The following KANTR variants were observed in gnomAD, a reference collection of about 807,000 sequenced individuals.
The protein encoded by KANTR is KDM5C adjacent transcript.
intron 2 of KANTR, among the ~76,000 whole-genome samples, chrX:53,136,593 T>C (rs1457364623): frequency 6.3e-5 from 5 of 78,832 alleles, no homozygotes; most frequent in African/African-American, 2.2e-4. Flanking sequence ...CAGGCTGGAG[T>C]GCAGTGGCGT....
At chrX:53,129,610 A>G (rs917942791), downstream of KANTR, among the ~76,000 whole-genome samples, 22 of 109,945 alleles carry the variant, frequency 2.0e-4, 1 homozygote, top group African/African-American at 4.3e-4. Flanking sequence ...TCTGGTTTCT[A>G]TTATTACTGT....
rs781881005 is a variant in KANTR, at chrX:53,106,002, C to T, written c.-805+6394C>T. Among the ~76,000 whole-genome samples, 13 of 104,903 alleles carry T rather than the reference C, an allele frequency of 1.2e-4. No homozygotes were observed. In the South Asian group the frequency reaches 1.7e-3, roughly 14 times the overall value. The allele number at this position is 104,903 out of a possible 115,157, so 91.1% of individuals were successfully genotyped here. ...CCTCCCAAGTAGCTGGGACTACAGG[C>T]GCCCGCCACCATGCCCAGCTAATTT... On this transcript the variant is annotated intron_variant, in intron 2 of 2. Coordinates refer to ENST00000604062, the Ensembl canonical transcript of KANTR.
intron 2 of KANTR, among the ~76,000 whole-genome samples, chrX:53,108,752 G>A (rs1430258970): frequency 9.2e-6 from 1 of 109,098 alleles, no homozygotes; most frequent in Non-Finnish European, 1.9e-5. Flanking sequence ...CCAGGCTGCA[G>A]CGCAGCGGTG....
At chrX:53,131,858 A>G (rs1416591201), downstream of KANTR, among the ~76,000 whole-genome samples, 2 of 112,419 alleles carry the variant, frequency 1.8e-5, no homozygotes, top group Non-Finnish European at 3.8e-5. Flanking sequence ...AAATGTGATC[A>G]TCTATATAGA....
downstream of KANTR, among the ~76,000 whole-genome samples, chrX:53,129,268 T>TGTGTGTGTGTGTGTGTGTG (rs1569239787): frequency 9.4e-6 from 1 of 106,400 alleles, no homozygotes; most frequent in African/African-American, 3.4e-5. Flanking sequence ...TGTGTGTGTG[T>TGTGTGTGTGTGTGTGTGTG]TTAGTAGAGA....
Position 53,139,984 on chromosome X carries a change from CCAG to C in KANTR, n.204-1860_204-1858del, listed in dbSNP as rs782730061. On this transcript the variant is annotated intron_variant and non_coding_transcript_variant, in intron 2 of 2. Coordinates refer to the KANTR transcript ENST00000366185. ...TTTGCAGAGGAAGAAATTTGAAAAG[CCAG>C]CAGTATATGATGAGGTGTTCAAGAT... 3.6e-3 allele frequency among the ~76,000 whole-genome samples: 401 copies of C among 112,411 alleles called. 5 individuals carry two copies. Among genetic ancestry groups the C allele is most frequent in the African/African-American group, 0.013 (388 of 30,952 alleles).
At chrX:53,141,446 A>AT (rs1282451556) in intron 2 of KANTR, among the ~76,000 whole-genome samples, 5 of 111,654 alleles carry the variant, frequency 4.5e-5, no homozygotes, top group Non-Finnish European at 7.5e-5. Context: ...TCTTTTCACA[A>AT]TTTTTTCTGG....
chrX:53,098,168 C>A (rs1556811257), intron 1 of KANTR, among the ~76,000 whole-genome samples: 1 of 110,234 alleles, frequency 9.1e-6, no homozygotes, highest in East Asian at 2.8e-4. Context: ...CAGACCAACA[C>A]AATAAAGCAA....
rs869034016 is a variant in KANTR, at chrX:53,117,609, G to GTTT, written c.-804-5837_-804-5835dup. Among the ~76,000 whole-genome samples the GTTT allele has an allele frequency of 1.3e-3, 82 of 63,840 alleles. 1 individual carries two copies. The highest frequency in any genetic ancestry group is 5.2e-3 in the African/African-American group (75 of 14,553). The allele number at this position is 63,840 out of a possible 115,157, so 55.4% of individuals were successfully genotyped here. The stretch of plus-strand genomic sequence containing the variant: ...TCATACTGTGTGTGTGTGTGTGTGT[G>GTTT]TTTTTTTTTTTTTTTTTTTTTTTTT... On this transcript the variant is annotated intron_variant, in intron 2 of 2. Coordinates refer to ENST00000604062, the Ensembl canonical transcript of KANTR.
intron 1 of KANTR, among the ~76,000 whole-genome samples, chrX:53,097,573 G>GAACT (rs1556811138): frequency 1.9e-5 from 2 of 103,587 alleles, no homozygotes; most frequent in African/African-American, 6.9e-5. Context: ...GGCTGGTCTT[G>GAACT]AACTCCTAAC....
At chrX:53,146,729 G>T (rs1425921857), downstream of KANTR, among the ~76,000 whole-genome samples, 1 of 109,804 alleles carries the variant, frequency 9.1e-6, no homozygotes, top group South Asian at 3.9e-4. Flanking sequence ...GAGAAAGGTC[G>T]GGTTACCCAC....
At chrX:53,137,674 C>T (rs1364695112) in intron 2 of KANTR, among the ~76,000 whole-genome samples, 3 of 109,634 alleles carry the variant, frequency 2.7e-5, no homozygotes, top group African/African-American at 1.0e-4. Context: ...GAGGCTGAGG[C>T]AGGAGAATCA....
chrX:53,102,924 A>G (rs1932906430), intron 2 of KANTR, among the ~76,000 whole-genome samples: 1 of 107,084 alleles, frequency 9.3e-6, no homozygotes, highest in Non-Finnish European at 1.9e-5. Context: ...CCCTACAATG[A>G]TCCTGCCTTT....
chrX:53,125,989 C>G, exon 3 of KANTR: 1 of 109,149 alleles, frequency 9.2e-6, no homozygotes, highest in East Asian at 2.9e-4. Context: ...TATTTTTACT[C>G]AACACTTAGA....
At chrX:53,100,712 C>T (rs1485196767) in intron 2 of KANTR, among the ~76,000 whole-genome samples, 8 of 110,436 alleles carry the variant, frequency 7.2e-5, no homozygotes, top group African/African-American at 2.0e-4. Flanking sequence ...TCAGGAGAAT[C>T]GGTTGAAACC....
chrX:53,119,131 T>C (rs2146739650), intron 2 of KANTR, among the ~76,000 whole-genome samples: 1 of 106,745 alleles, frequency 9.4e-6, no homozygotes, highest in African/African-American at 3.4e-5. Flanking sequence ...ACTGCAGCCT[T>C]GACCTCCCTG....
At chrX:53,107,460 A>C (rs912717793) in intron 2 of KANTR, among the ~76,000 whole-genome samples, 4 of 105,232 alleles carry the variant, frequency 3.8e-5, no homozygotes, top group African/African-American at 1.4e-4. Flanking sequence ...AATTTCTTTA[A>C]AAAAAAAAAC....
At chrX:53,128,905 G>C (rs111325569), downstream of KANTR, among the ~76,000 whole-genome samples, 9 of 110,150 alleles carry the variant, frequency 8.2e-5, no homozygotes, top group African/African-American at 2.6e-4. Context: ...CAATTTACAT[G>C]TTATTATGTC....
chrX:53,125,663 C>A (rs782075695), exon 3 of KANTR: 5 of 111,266 alleles, frequency 4.5e-5, no homozygotes, highest in Non-Finnish European at 9.4e-5. Flanking sequence ...GCTTAGAAAC[C>A]TTCAACTCTA....
Sources: gnomAD v4.1 joint callset for allele counts (sites outside exome capture counted in the v4.1 genomes callset) on GRCh38, gnomAD v4.1.1 for gene constraint, MANE v1.5 for transcripts, NCBI Gene and HGNC (gene_info 2026-07-23, HGNC 2026-07-21) for gene names.